Variants in IL1RAPL1 observed in about 807,000 individuals in gnomAD.
IL1RAPL1 encodes the protein interleukin-1 receptor accessory protein-like 1.
IL1RAPL1 carries 3 observed loss-of-function variants against 48.4 expected under a neutral mutation model. The ratio of observed to expected loss-of-function variants is 0.06; its 90% CI spans 0.03 to 0.16. IL1RAPL1 has a LOEUF of 0.16. Among genes scored for constraint, IL1RAPL1 ranks in the 10% least tolerant of loss-of-function variants. The probability of loss-of-function intolerance (pLI) is 1.00; values close to 1 mark genes in which losing one functional copy is unlikely to be tolerated. For missense variants in IL1RAPL1, 349 were observed against 530.6 expected (o/e 0.66, Z 3.36); for synonymous variants, 185 against 187.7 (o/e 0.99, Z 0.12).
intron 2 of IL1RAPL1, among the ~76,000 whole-genome samples, chrX:29,229,935 C>A (rs1448493820): frequency 8.9e-6 from 1 of 112,099 alleles, no homozygotes; most frequent in Non-Finnish European, 1.9e-5. Flanking sequence ...CATGATCAGT[C>A]ACAGCACACT....
chrX:28,934,571 A>G (rs1923968378), intron 2 of IL1RAPL1, among the ~76,000 whole-genome samples: 1 of 111,169 alleles, frequency 9.0e-6, no homozygotes, highest in Non-Finnish European at 1.9e-5. Context: ...ATAGGCAACT[A>G]CTAATTTATT....
intron 3 of IL1RAPL1, among the ~76,000 whole-genome samples, chrX:29,288,974 C>T (rs954364527): frequency 5.4e-5 from 6 of 112,135 alleles, no homozygotes; most frequent in Non-Finnish European, 7.5e-5. Flanking sequence ...TGAGAAGTAT[C>T]TGTTCATATC....
chrX:28,947,753 A>G (rs1211208684), intron 2 of IL1RAPL1, among the ~76,000 whole-genome samples: 1 of 112,005 alleles, frequency 8.9e-6, no homozygotes, highest in Non-Finnish European at 1.9e-5. Context: ...CATCAGGAAA[A>G]CAAGTAGTTA....
intron 2 of IL1RAPL1, among the ~76,000 whole-genome samples, chrX:28,941,829 T>A (rs1378397584): frequency 9.1e-6 from 1 of 110,289 alleles, no homozygotes; most frequent in Non-Finnish European, 1.9e-5. Context: ...ACCATGTTTT[T>A]AAAATCTTTA....
At chrX:29,856,060 A>T (rs1032546696) in intron 6 of IL1RAPL1, among the ~76,000 whole-genome samples, 3 of 112,080 alleles carry the variant, frequency 2.7e-5, no homozygotes, top group African/African-American at 9.7e-5. Flanking sequence ...TGCATATACC[A>T]TGCACCATTT....
Position 28,799,420 on chromosome X carries a change from G to C in IL1RAPL1, c.82+9995G>C, listed in dbSNP as rs147595382. Reference sequence around the variant, plus strand: ...TCCCTTTAGTAGAAAATTCAGTCTGGGTGGTTGGGCCTCTGATTTGATAGA... The same window carrying C: ...TCCCTTTAGTAGAAAATTCAGTCTGCGTGGTTGGGCCTCTGATTTGATAGA... On this transcript the variant is annotated intron_variant, in intron 2 of 10. Coordinates refer to ENST00000378993, the MANE Select transcript of IL1RAPL1 (RefSeq NM_014271.4). Among the ~76,000 whole-genome samples, 176 of 112,253 alleles carry C rather than the reference G, an allele frequency of 1.6e-3. 1 individual carries two copies. The highest frequency in any genetic ancestry group is 5.5e-3 in the African/African-American group (169 of 30,943).
At chrX:29,593,588 A>G (rs767108084) in intron 5 of IL1RAPL1, among the ~76,000 whole-genome samples, 1 of 111,446 alleles carries the variant, frequency 9.0e-6, no homozygotes, top group East Asian at 2.8e-4. Context: ...TTATAATAAA[A>G]CCAGTTTTGC....
chrX:28,746,968 GT>G (rs1357117587), intron 1 of IL1RAPL1, among the ~76,000 whole-genome samples: 1 of 110,664 alleles, frequency 9.0e-6, no homozygotes, highest in African/African-American at 3.3e-5. Context: ...GAATAATCAT[GT>G]TCTCTTTATT....
intron 2 of IL1RAPL1, among the ~76,000 whole-genome samples, chrX:29,042,167 CTA>C (rs1027963422): frequency 8.9e-6 from 1 of 112,030 alleles, no homozygotes; most frequent in African/African-American, 3.2e-5. Context: ...AGCAGAACAA[CTA>C]TATTTAGATA....
chrX:29,389,355 C>CAA (rs55950108), intron 3 of IL1RAPL1, among the ~76,000 whole-genome samples: 7,607 of 52,754 alleles, frequency 0.14, 496 homozygotes, highest in African/African-American at 0.24. Flanking sequence ...GACTCCATCT[C>CAA]AAAAAAAAAA....
intron 7 of IL1RAPL1, among the ~76,000 whole-genome samples, chrX:29,918,123 CAAAAA>C (rs781348669): frequency 1.3e-4 from 1 of 7,818 alleles, no homozygotes; most frequent in South Asian, 0.026. Flanking sequence ...ACTCTGTCTC[CAAAAA>C]AAAAAAAAAA....
intron 5 of IL1RAPL1, among the ~76,000 whole-genome samples, chrX:29,450,654 C>T (rs1445801572): frequency 1.8e-5 from 2 of 111,353 alleles, no homozygotes; most frequent in Non-Finnish European, 3.8e-5. Flanking sequence ...AAATCATATC[C>T]AATCATTCAA....
intron 2 of IL1RAPL1, among the ~76,000 whole-genome samples, chrX:29,126,601 C>T (rs945836694): frequency 3.6e-5 from 4 of 111,736 alleles, no homozygotes; most frequent in Admixed American, 9.5e-5. Context: ...TGAACAGAAC[C>T]GAAATTAACA....
At chrX:29,814,468 A>G (rs949115982) in intron 6 of IL1RAPL1, among the ~76,000 whole-genome samples, 1 of 111,372 alleles carries the variant, frequency 9.0e-6, no homozygotes, top group Non-Finnish European at 1.9e-5. Context: ...TTCCTTATAG[A>G]TTCTGGATAT....
In IL1RAPL1 at chrX:29,956,071, AT is replaced by A. The variant is rs943203407; in HGVS notation, c.*259del. The A allele has an allele frequency of 5.6e-5, 22 of 391,102 alleles. No individual in the cohort carries two copies. Among genetic ancestry groups the A allele is most frequent in the East Asian group, 8.4e-5 (2 of 23,834 alleles). The allele number at this position is 391,102 out of a possible 1,213,427, so 32.2% of individuals were successfully genotyped here. On this transcript the variant is annotated 3_prime_UTR_variant, in exon 11 of 11. Coordinates refer to ENST00000378993, the MANE Select transcript of IL1RAPL1 (RefSeq NM_014271.4). The stretch of plus-strand genomic sequence containing the variant: ...ATGTCGTTGGAATTTGTAAATTTAC[AT>A]TTTTTTTAAAGAAGAGACTGATGTG...
At chrX:29,560,284 G>A (rs1462161325) in intron 5 of IL1RAPL1, among the ~76,000 whole-genome samples, 1 of 111,633 alleles carries the variant, frequency 9.0e-6, no homozygotes, top group Non-Finnish European at 1.9e-5. Flanking sequence ...TCCCTAGTAT[G>A]TGATGAATCA....
At chrX:29,144,010 A>G (rs73210092) in intron 2 of IL1RAPL1, among the ~76,000 whole-genome samples, 7,430 of 111,424 alleles carry the variant, frequency 0.067, 303 homozygotes, top group African/African-American at 0.16. Flanking sequence ...CCAATTTTTA[A>G]TGCCATATTA....
intron 2 of IL1RAPL1, among the ~76,000 whole-genome samples, chrX:28,926,887 C>G (rs1408140832): frequency 9.0e-6 from 1 of 111,097 alleles, no homozygotes; most frequent in Non-Finnish European, 1.9e-5. Flanking sequence ...AATCTACATT[C>G]TCCTCTTCCC....
chrX:28,812,682 A>C (rs183822526), intron 2 of IL1RAPL1, among the ~76,000 whole-genome samples: 1 of 111,577 alleles, frequency 9.0e-6, no homozygotes, highest in East Asian at 2.8e-4. Flanking sequence ...TGTATAATAG[A>C]AGTATATTCA....
Sources: gnomAD v4.1 joint callset for allele counts (sites outside exome capture counted in the v4.1 genomes callset) on GRCh38, gnomAD v4.1.1 for gene constraint, MANE v1.5 for transcripts, NCBI Gene and HGNC (gene_info 2026-07-23, HGNC 2026-07-21) for gene names.